NBDY: variants seen among roughly 807,000 people sequenced by gnomAD.
The protein encoded by NBDY is P-body dissociating protein.
chrX:56,730,513 CA>C (rs1157131797), intron 1 of NBDY, among the ~76,000 whole-genome samples: 150 of 11,178 alleles, frequency 0.013, no homozygotes, highest in South Asian at 0.033. Context: ...AACTACGTCT[CA>C]AAAAAAAAAA....
rs778177992 is a variant in NBDY, at chrX:56,797,581, C to G, written c.*167-19739C>G. On this transcript the variant is annotated intron_variant, in intron 2 of 2. Transcript: ENST00000374922. ...TGGTAAACACACCCTGTACCTAGTA[C>G]CTTATAGCCCACCATTCTTTCCTGT... Among the ~76,000 whole-genome samples the G allele has an allele frequency of 9.9e-5, 11 of 111,257 alleles. No homozygotes were observed. The East Asian group carries it at 3.1e-3, about 32-fold the overall frequency.
At chrX:56,813,003 A>G (rs2069894709) in intron 2 of NBDY, among the ~76,000 whole-genome samples, 1 of 110,278 alleles carries the variant, frequency 9.1e-6, no homozygotes, top group South Asian at 3.9e-4. Flanking sequence ...GAACACTTGG[A>G]CACAGGGTGG....
chrX:56,767,258 C>T (rs2069670688), intron 2 of NBDY, among the ~76,000 whole-genome samples: 1 of 113,684 alleles, frequency 8.8e-6, no homozygotes, highest in Non-Finnish European at 1.9e-5. Context: ...GCTGCCTCCA[C>T]AGCGTTCCGA....
chrX:56,730,395 C>A (rs1451613299), intron 1 of NBDY, among the ~76,000 whole-genome samples: 1 of 105,883 alleles, frequency 9.4e-6, no homozygotes, highest in Non-Finnish European at 1.9e-5. Flanking sequence ...CCTGTAATCT[C>A]AGCAACTCGG....
At chrX:56,756,060 A>C (rs1464572642) in intron 2 of NBDY, among the ~76,000 whole-genome samples, 1 of 101,268 alleles carries the variant, frequency 9.9e-6, no homozygotes, top group African/African-American at 3.6e-5. Context: ...CAAACACTGC[A>C]TGTTCTCACT....
intron 2 of NBDY, among the ~76,000 whole-genome samples, chrX:56,805,693 C>A (rs1186115585): frequency 1.8e-5 from 2 of 112,099 alleles, no homozygotes; most frequent in Non-Finnish European, 3.8e-5. Flanking sequence ...ATGGCTCTTC[C>A]TCCTCTGTGA....
intron 2 of NBDY, among the ~76,000 whole-genome samples, chrX:56,753,752 G>C (rs764536527): frequency 8.3e-4 from 91 of 110,275 alleles, no homozygotes; most frequent in African/African-American, 2.9e-3. Flanking sequence ...TTTTATAAGA[G>C]AAGGATTTAA....
chrX:56,810,879 T>G (rs1294827656), intron 2 of NBDY: 1 of 111,940 alleles, frequency 8.9e-6, no homozygotes, highest in Admixed American at 9.5e-5. Context: ...CTCCCCATCT[T>G]CATGGATTTA....
intron 2 of NBDY, among the ~76,000 whole-genome samples, chrX:56,733,694 C>A (rs1171935986): frequency 1.8e-5 from 2 of 111,874 alleles, no homozygotes; most frequent in Non-Finnish European, 3.8e-5. Flanking sequence ...AAGGGACTTT[C>A]CTTGTTTTCC....
intron 2 of NBDY, among the ~76,000 whole-genome samples, chrX:56,749,421 T>C (rs2069572525): frequency 1.8e-5 from 2 of 111,424 alleles, no homozygotes; most frequent in Non-Finnish European, 3.8e-5. Flanking sequence ...GGAATGTAAC[T>C]ACCATGTAAT....
intron 2 of NBDY, among the ~76,000 whole-genome samples, chrX:56,802,590 A>G (rs1413728750): frequency 1.8e-5 from 2 of 112,792 alleles, no homozygotes; most frequent in Non-Finnish European, 3.8e-5. Context: ...CCAAGGTGGT[A>G]AACTCTATCT....
chrX:56,781,305 C>T (rs1458810441), intron 2 of NBDY, among the ~76,000 whole-genome samples: 1 of 111,808 alleles, frequency 8.9e-6, no homozygotes, highest in African/African-American at 3.3e-5. Flanking sequence ...CTTTCACGTT[C>T]CCTCCTGTTC....
At position 56,818,259 on chromosome X, in the gene NBDY, T is replaced by C. The variant is rs1207449332; in HGVS notation, c.*1106T>C. ...AAAATAATAATACAATTTGTTCAAA[T>C]AAGTAATTAAAGCTTACATTGTAAA... On this transcript the variant is annotated 3_prime_UTR_variant, in exon 3 of 3. Transcript: ENST00000374922. 8.9e-6 allele frequency: 1 copy of C among 111,875 alleles called. No homozygotes were observed. The highest frequency in any genetic ancestry group is 1.9e-5 in the Non-Finnish European group (1 of 53,122). The allele number at this position is 111,875 out of a possible 1,213,427, so 9.2% of individuals were successfully genotyped here.
chrX:56,732,871 G>A (rs759306997), intron 2 of NBDY, among the ~76,000 whole-genome samples: 8 of 111,385 alleles, frequency 7.2e-5, no homozygotes, highest in Admixed American at 3.8e-4. Context: ...GTGTGACCAT[G>A]TGATAAATTA....
intron 2 of NBDY, among the ~76,000 whole-genome samples, chrX:56,767,526 G>C (rs765067387): frequency 1.8e-5 from 2 of 112,711 alleles, no homozygotes; most frequent in Admixed American, 9.3e-5. Flanking sequence ...GCTACTCGCC[G>C]CGCTTGCGGG....
intron 2 of NBDY, among the ~76,000 whole-genome samples, chrX:56,803,010 G>A (rs767312686): frequency 7.2e-5 from 8 of 111,553 alleles, no homozygotes; most frequent in African/African-American, 2.3e-4. Flanking sequence ...GCAGGGTTAA[G>A]CTTGTAGTTG....
intron 2 of NBDY, among the ~76,000 whole-genome samples, chrX:56,808,107 T>C (rs913113117): frequency 5.3e-5 from 6 of 112,472 alleles, no homozygotes; most frequent in Non-Finnish European, 9.4e-5. Flanking sequence ...GTTTATGTGA[T>C]GGATTAAGTT....
intron 2 of NBDY, among the ~76,000 whole-genome samples, chrX:56,799,423 G>A (rs917393588): frequency 3.0e-4 from 34 of 113,318 alleles, no homozygotes; most frequent in Non-Finnish European, 2.8e-4. Flanking sequence ...GGGAAGCTCC[G>A]CCCACTGGGC....
Position 56,818,214 on chromosome X carries a change from TG to T in NBDY, c.*1063del, listed in dbSNP as rs1472198399. 2 of 111,570 alleles carry T rather than the reference TG, an allele frequency of 1.8e-5. No homozygotes were observed. The highest frequency in any genetic ancestry group is 3.8e-5 in the Non-Finnish European group (2 of 53,042). The allele number at this position is 111,570 out of a possible 1,213,427, so 9.2% of individuals were successfully genotyped here. ...TATATCTGAAAATGTCAGATAAACTTGGCTTATAAATTAAAATATAAAATAA... is the reference window on the plus strand; with the variant it reads ...TATATCTGAAAATGTCAGATAAACTTGCTTATAAATTAAAATATAAAATAA... On this transcript the variant is annotated 3_prime_UTR_variant, in exon 3 of 3. Transcript: ENST00000374922.
Sources: gnomAD v4.1 joint callset for allele counts (sites outside exome capture counted in the v4.1 genomes callset) on GRCh38, gnomAD v4.1.1 for gene constraint, MANE v1.5 for transcripts, NCBI Gene and HGNC (gene_info 2026-07-23, HGNC 2026-07-21) for gene names.